TPO: variants seen among roughly 807,000 people sequenced by gnomAD.
TPO encodes thyroid microsomal antigen.
TPO carries 78 observed loss-of-function variants against 96.9 expected under a neutral mutation model. The ratio of observed to expected loss-of-function variants is 0.81; its 90% confidence interval spans 0.67 to 0.97. The LOEUF (loss-of-function observed/expected upper bound fraction) is 0.97. Ranked by LOEUF, TPO falls within the 50% of genes least tolerant of loss-of-function variation. TPO has a pLI of 0.00. For missense variants in TPO, 1,252 were observed against 1,274.8 expected (o/e 0.98, Z 0.27); for synonymous variants, 547 against 538.0 (o/e 1.02, Z -0.23).
At chr2:1,402,749 G>A in intron 1 of TPO, among the ~76,000 whole-genome samples, 1 of 152,154 alleles carries the variant, frequency 6.6e-6, no homozygotes, top group East Asian at 1.9e-4. Flanking sequence ...ACTGCCCCCA[G>A]GATTTAATTA....
intron 13 of TPO, among the ~76,000 whole-genome samples, chr2:1,500,759 G>A (rs1475486151): frequency 6.6e-6 from 1 of 152,090 alleles, no homozygotes; most frequent in African/African-American, 2.4e-5. Flanking sequence ...GAAGTCAGGA[G>A]TTCAACACCA....
At chr2:1,517,493 C>G (rs1437656278) in intron 15 of TPO, among the ~76,000 whole-genome samples, 1 of 152,150 alleles carries the variant, frequency 6.6e-6, no homozygotes, top group Non-Finnish European at 1.5e-5. Flanking sequence ...AAGAGCCCCT[C>G]GAGGCTTCCT....
At chr2:1,405,824 G>A (rs1662242630) in intron 1 of TPO, among the ~76,000 whole-genome samples, 1 of 152,096 alleles carries the variant, frequency 6.6e-6, no homozygotes, top group Admixed American at 6.6e-5. Flanking sequence ...TAATTATTTG[G>A]TTTATTCAAA....
intron 15 of TPO, among the ~76,000 whole-genome samples, chr2:1,528,977 T>C (rs1024114145): frequency 7.5e-6 from 1 of 133,224 alleles, no homozygotes; most frequent in African/African-American, 3.0e-5. Context: ...CCCCCCACTG[T>C]GAGTAACCTC....
chr2:1,514,635 G>A lies in TPO; in HGVS notation c.2519-2248G>A, dbSNP rs1245879861. On this transcript the variant is annotated intron_variant, in intron 14 of 16. Coordinates refer to ENST00000329066, the MANE Select transcript of TPO (RefSeq NM_001206744.2). ...TCGGAAAGCCACTCCGGCAGCAGCC[G>A]TGACCTTTGTGATGCCCCCGTAGGA... Among the ~76,000 whole-genome samples, 7 of 152,340 alleles carry A rather than the reference G, an allele frequency of 4.6e-5. No individual in the cohort carries two copies. In the East Asian group the frequency reaches 7.7e-4, roughly 17 times the overall value.
chr2:1,409,056 A>G (rs2148386349), upstream of TPO, among the ~76,000 whole-genome samples: 1 of 152,256 alleles, frequency 6.6e-6, no homozygotes, highest in East Asian at 1.9e-4. Flanking sequence ...GTGTCCCCAG[A>G]GTCCATGAGA....
intron 15 of TPO, among the ~76,000 whole-genome samples, chr2:1,534,574 AAATC>A (rs1361640817): frequency 4.6e-3 from 403 of 87,184 alleles, no homozygotes; most frequent in South Asian, 8.8e-3. Context: ...CAACTTCCCC[AAATC>A]CGCCCACACT....
chr2:1,413,524 T>C lies in TPO; in HGVS notation c.-23T>C, dbSNP rs1323848192. 5 of 285,750 alleles carry C rather than the reference T, an allele frequency of 1.7e-5. No homozygotes were observed. In the Admixed American group the frequency reaches 1.9e-4, roughly 11 times the overall value. The allele number at this position is 285,750 out of a possible 1,614,324, so 17.7% of individuals were successfully genotyped here. ...CCGTGAAAATTACTCAGCAGTGCAGTTGGCTGAGAAGAGGAAAAAAGGTCA... is the reference window on the plus strand; with the variant it reads ...CCGTGAAAATTACTCAGCAGTGCAGCTGGCTGAGAAGAGGAAAAAAGGTCA... On this transcript the variant is annotated 5_prime_UTR_variant, in exon 1 of 17. Coordinates refer to ENST00000329066, the MANE Select transcript of TPO (RefSeq NM_001206744.2).
At chr2:1,459,901 A>G (rs1402569181) in intron 7 of TPO, among the ~76,000 whole-genome samples, 1 of 150,342 alleles carries the variant, frequency 6.7e-6, no homozygotes, top group Non-Finnish European at 1.5e-5. Flanking sequence ...GGCCCCCTGC[A>G]TGTGTTCCCT....
intron 13 of TPO, among the ~76,000 whole-genome samples, chr2:1,498,115 T>C (rs778371530): frequency 3.3e-5 from 5 of 152,084 alleles, no homozygotes; most frequent in Non-Finnish European, 5.9e-5. Flanking sequence ...GTTTACATTA[T>C]GTATAATTCA....
chr2:1,484,448 TG>T, intron 8 of TPO, 147 bp from the exon 9 acceptor site: 2 of 990,426 alleles, frequency 2.0e-6, no homozygotes, highest in Non-Finnish European at 3.0e-6. Context: ...AAGGCATTTC[TG>T]GGAAGTTCAG....
At chr2:1,388,482 G>A (rs1661943706) in intron 1 of TPO, among the ~76,000 whole-genome samples, 1 of 152,198 alleles carries the variant, frequency 6.6e-6, no homozygotes, top group Non-Finnish European at 1.5e-5. Context: ...AGTGAGCGAG[G>A]CTCTGTGGGT....
intron 2 of TPO, among the ~76,000 whole-genome samples, chr2:1,417,033 G>C (rs1663035288): frequency 6.6e-6 from 1 of 152,230 alleles, no homozygotes; most frequent in South Asian, 2.1e-4. Context: ...AAACGTAGAG[G>C]TCTGGAAGTC....
chr2:1,427,296 G>T (rs1664512255), intron 3 of TPO, among the ~76,000 whole-genome samples: 1 of 152,310 alleles, frequency 6.6e-6, no homozygotes, highest in East Asian at 1.9e-4. Context: ...ACTGGAGAGT[G>T]CAGTGTGTTC....
chr2:1,513,031 C>A (rs935730997), intron 14 of TPO, among the ~76,000 whole-genome samples: 1 of 152,226 alleles, frequency 6.6e-6, no homozygotes, highest in Non-Finnish European at 1.5e-5. Flanking sequence ...TGCAAGCAGC[C>A]GTCAGTGCCC....
intron 15 of TPO, among the ~76,000 whole-genome samples, chr2:1,536,647 C>CCA (rs201232337): frequency 0.19 from 11,794 of 63,356 alleles, 1,761 homozygotes; most frequent in East Asian, 0.27. Flanking sequence ...CAAATCCCCC[C>CCA]CCCCACTGTG....
chr2:1,407,926 T>G (rs1186545944), intron 1 of TPO, among the ~76,000 whole-genome samples: 2 of 152,254 alleles, frequency 1.3e-5, no homozygotes, highest in Admixed American at 1.3e-4. Flanking sequence ...CCATCTTTTA[T>G]TCTAATGCAT....
intron 10 of TPO, among the ~76,000 whole-genome samples, chr2:1,488,398 C>T (rs1294197353): frequency 6.6e-6 from 1 of 152,120 alleles, no homozygotes; most frequent in African/African-American, 2.4e-5. Context: ...TCCGTCACAT[C>T]AGGACTGCTG....
At position 1,435,123 on chromosome 2, in the gene TPO, C is replaced by T. The variant is rs533241673; in HGVS notation, c.350-1129C>T. On this transcript the variant is annotated intron_variant, in intron 4 of 16. Coordinates refer to ENST00000329066, the MANE Select transcript of TPO (RefSeq NM_001206744.2). ...TAATTTTTTGTATTTTTAGTAGAGA[C>T]GGGGTTTCACCATGTTAGCCAGGAT... 3.3e-5 allele frequency among the ~76,000 whole-genome samples: 5 copies of T among 152,160 alleles called. No homozygotes were observed. The South Asian group carries it at 6.2e-4, about 19-fold the overall frequency.
Sources: gnomAD v4.1 joint callset for allele counts (sites outside exome capture counted in the v4.1 genomes callset) on GRCh38, gnomAD v4.1.1 for gene constraint, MANE v1.5 for transcripts, NCBI Gene and HGNC (gene_info 2026-07-23, HGNC 2026-07-21) for gene names.